The following CHSY1 variants were observed in gnomAD, a reference collection of about 807,000 sequenced individuals.
The protein encoded by CHSY1 is N-acetylgalactosaminyl-proteoglycan 3-beta-glucuronosyltransferase 1.
In CHSY1, 13 loss-of-function variants were observed where a neutral mutation model predicts 59.8. The ratio of observed to expected loss-of-function variants is 0.22; its 90% CI spans 0.14 to 0.35. The LOEUF (loss-of-function observed/expected upper bound fraction) is 0.35. Ranked by LOEUF, CHSY1 falls within the 10% of genes least tolerant of loss-of-function variation. The probability of loss-of-function intolerance (pLI) is 1.00; values close to 1 mark genes in which losing one functional copy is unlikely to be tolerated. For missense variants in CHSY1, 947 were observed against 1,030.6 expected (o/e 0.92, Z 1.11); for synonymous variants, 459 against 401.2 (o/e 1.14, Z -1.72).
intron 1 of CHSY1, among the ~76,000 whole-genome samples, chr15:101,246,780 C>T (rs1446514921): frequency 6.6e-6 from 1 of 152,122 alleles, no homozygotes; most frequent in Non-Finnish European, 1.5e-5. Context: ...AACTGTGAAC[C>T]TGGGGTAGAG....
intron 2 of CHSY1, among the ~76,000 whole-genome samples, chr15:101,221,417 C>T (rs2038787851): frequency 6.6e-6 from 1 of 152,132 alleles, no homozygotes; most frequent in African/African-American, 2.4e-5. Flanking sequence ...CTCTTGAACC[C>T]GGGAGGAGCC....
At chr15:101,248,807 G>C (rs527767054) in intron 1 of CHSY1, among the ~76,000 whole-genome samples, 1 of 152,140 alleles carries the variant, frequency 6.6e-6, no homozygotes, top group East Asian at 1.9e-4. Flanking sequence ...TTTTTTTTGA[G>C]ACGGAGTCTT....
At chr15:101,223,492 A>G (rs936407191) in intron 2 of CHSY1, among the ~76,000 whole-genome samples, 1 of 152,246 alleles carries the variant, frequency 6.6e-6, no homozygotes, top group African/African-American at 2.4e-5. Context: ...ACCCCCTGCC[A>G]AAAGTCCTTT....
At chr15:101,229,487 A>C (rs559906286) in intron 2 of CHSY1, among the ~76,000 whole-genome samples, 1 of 152,248 alleles carries the variant, frequency 6.6e-6, no homozygotes, top group African/African-American at 2.4e-5. Context: ...TATAATGATA[A>C]AAGTGTCTAT....
chr15:101,241,729 A>G (rs752092), intron 1 of CHSY1, among the ~76,000 whole-genome samples: 64,299 of 152,046 alleles, frequency 0.42, 15,655 homozygotes, highest in African/African-American at 0.69. Flanking sequence ...CAGTCAGTTT[A>G]AAAGGACTCA....
intron 2 of CHSY1, among the ~76,000 whole-genome samples, chr15:101,206,164 T>C (rs1488862524): frequency 6.6e-6 from 1 of 152,162 alleles, no homozygotes; most frequent in Non-Finnish European, 1.5e-5. Flanking sequence ...CTGCTCTCCT[T>C]TCTCTCCCCG....
At chr15:101,248,297 T>C (rs1287125311) in intron 1 of CHSY1, among the ~76,000 whole-genome samples, 1 of 152,196 alleles carries the variant, frequency 6.6e-6, no homozygotes, top group African/African-American at 2.4e-5. Context: ...TCCATCCCAA[T>C]TGAGGCCCTC....
intron 2 of CHSY1, among the ~76,000 whole-genome samples, chr15:101,205,908 C>T (rs11857988): frequency 0.6 from 90,434 of 151,442 alleles, 27,130 homozygotes; most frequent in East Asian, 0.76. Context: ...GCCGAGATAG[C>T]GCCACTACAC....
chr15:101,216,365 T>A (rs965512212), intron 2 of CHSY1, among the ~76,000 whole-genome samples: 1 of 152,230 alleles, frequency 6.6e-6, no homozygotes. Flanking sequence ...CATAGTCTTA[T>A]ATACAATCCA....
intron 2 of CHSY1, among the ~76,000 whole-genome samples, chr15:101,206,887 C>T (rs1340823673): frequency 2.6e-5 from 4 of 152,204 alleles, no homozygotes; most frequent in Non-Finnish European, 4.4e-5. Flanking sequence ...TACTCTAGGA[C>T]ACCCATGTTT....
intron 2 of CHSY1, among the ~76,000 whole-genome samples, chr15:101,192,986 C>CT (rs2038464125): frequency 6.6e-6 from 1 of 152,214 alleles, no homozygotes; most frequent in East Asian, 1.9e-4. Flanking sequence ...ACATTAACAA[C>CT]TAACATCTCT....
chr15:101,238,607 A>G (rs776747839), intron 1 of CHSY1, among the ~76,000 whole-genome samples: 1 of 152,252 alleles, frequency 6.6e-6, no homozygotes, highest in African/African-American at 2.4e-5. Context: ...TATAAAATGC[A>G]TCCTAATTTC....
intron 2 of CHSY1, among the ~76,000 whole-genome samples, chr15:101,230,419 G>C (rs746409013): frequency 6.6e-6 from 1 of 152,146 alleles, no homozygotes; most frequent in Non-Finnish European, 1.5e-5. Context: ...TTATTTCTTT[G>C]TGGAGAGAAC....
intron 2 of CHSY1, among the ~76,000 whole-genome samples, chr15:101,200,006 C>G (rs937798163): frequency 6.6e-6 from 1 of 152,204 alleles, no homozygotes; most frequent in Non-Finnish European, 1.5e-5. Flanking sequence ...GAAAAAGTGA[C>G]TCACACAATT....
At chr15:101,195,497 C>T (rs1186590100) in intron 2 of CHSY1, among the ~76,000 whole-genome samples, 1 of 152,176 alleles carries the variant, frequency 6.6e-6, no homozygotes, top group African/African-American at 2.4e-5. Flanking sequence ...CATGTGTCAA[C>T]CGAAAGCTAC....
At chr15:101,198,460 C>G (rs1473416215) in intron 2 of CHSY1, among the ~76,000 whole-genome samples, 1 of 152,212 alleles carries the variant, frequency 6.6e-6, no homozygotes, top group South Asian at 2.1e-4. Flanking sequence ...ACATTAAACA[C>G]GGGAACCCAT....
chr15:101,246,790 G>A (rs950949228), intron 1 of CHSY1, among the ~76,000 whole-genome samples: 1 of 152,162 alleles, frequency 6.6e-6, no homozygotes, highest in Non-Finnish European at 1.5e-5. Context: ...CTGGGGTAGA[G>A]AAAACTAAAA....
At chr15:101,241,687 A>G (rs1273007488) in intron 1 of CHSY1, among the ~76,000 whole-genome samples, 3 of 152,252 alleles carry the variant, frequency 2.0e-5, no homozygotes, top group African/African-American at 7.2e-5. Context: ...CCCCAAAATC[A>G]CTATTACATG....
At chr15:101,247,246 G>T (rs989108842) in intron 1 of CHSY1, among the ~76,000 whole-genome samples, 1 of 151,882 alleles carries the variant, frequency 6.6e-6, no homozygotes, top group Admixed American at 6.6e-5. Flanking sequence ...TTTCCAAGCC[G>T]GTCCCTGCCT....
Sources: allele counts gnomAD v4.1 joint callset (sites outside exome capture counted in the v4.1 genomes callset), GRCh38; gene constraint gnomAD v4.1.1; transcripts MANE v1.5; gene names NCBI Gene and HGNC (gene_info 2026-07-23, HGNC 2026-07-21).